Variants in ADAMTSL3 observed in about 807,000 individuals in gnomAD.
ADAMTSL3 encodes ADAMTS-like protein 3.
ADAMTSL3 carries 128 observed loss-of-function variants against 201.7 expected under a neutral mutation model. The ratio of observed to expected loss-of-function variants is 0.63; its 90% CI spans 0.55 to 0.73. The LOEUF is 0.73. Ranked by LOEUF, ADAMTSL3 falls within the 30% of genes least tolerant of loss-of-function variation. The pLI is 0.00. For synonymous variants in ADAMTSL3, 738 were observed against 748.4 expected, an observed-to-expected ratio of 0.99 and a Z score of 0.23; for missense variants, 1,990 against 2,119.6, an observed-to-expected ratio of 0.94 and a Z score of 1.20.
intron 17 of ADAMTSL3, among the ~76,000 whole-genome samples, 155 bp downstream of exon 17, chr15:83,924,188 A>T (rs1001881789): frequency 2.6e-5 from 4 of 152,264 alleles, no homozygotes; most frequent in African/African-American, 4.8e-5. Context: ...TGCTCCAGCC[A>T]GATTCTTGCC....
intron 4 of ADAMTSL3, among the ~76,000 whole-genome samples, chr15:83,802,885 G>A (rs939065701): frequency 9.9e-5 from 15 of 152,106 alleles, no homozygotes; most frequent in African/African-American, 2.9e-4. Context: ...ACATAATCAG[G>A]AAAGGTAATA....
chr15:83,715,652 A>G (rs2062007003), intron 3 of ADAMTSL3, among the ~76,000 whole-genome samples: 1 of 152,198 alleles, frequency 6.6e-6, no homozygotes, highest in Non-Finnish European at 1.5e-5. Context: ...CACAACGAGC[A>G]TATATTTGTT....
At chr15:83,775,821 A>T (rs183210935) in intron 4 of ADAMTSL3, among the ~76,000 whole-genome samples, 1 of 152,266 alleles carries the variant, frequency 6.6e-6, no homozygotes, top group East Asian at 1.9e-4. Flanking sequence ...TTGGCTTGGT[A>T]ATATTGCTCT....
chr15:83,899,158 A>G (rs535552907), intron 14 of ADAMTSL3, among the ~76,000 whole-genome samples: 4 of 152,312 alleles, frequency 2.6e-5, no homozygotes, highest in African/African-American at 9.6e-5. Flanking sequence ...ATTGGTAATC[A>G]TCTCCCTCAA....
At chr15:83,728,429 C>T (rs774380855) in intron 3 of ADAMTSL3, among the ~76,000 whole-genome samples, 20 of 151,144 alleles carry the variant, frequency 1.3e-4, no homozygotes, top group Non-Finnish European at 2.1e-4. Context: ...GTTCCCCCCG[C>T]CCCCTTCCTA....
intron 6 of ADAMTSL3, among the ~76,000 whole-genome samples, chr15:83,823,903 T>C (rs2063940902): frequency 4.0e-5 from 1 of 25,010 alleles, no homozygotes; most frequent in Non-Finnish European, 1.2e-4. Flanking sequence ...CTCTTCTTCT[T>C]CTTCTTCTTC....
At chr15:83,916,822 C>T (rs925743156) in intron 16 of ADAMTSL3, among the ~76,000 whole-genome samples, 6 of 152,178 alleles carry the variant, frequency 3.9e-5, no homozygotes, top group African/African-American at 1.4e-4. Flanking sequence ...GGTACCTGCT[C>T]TGTGTTAGAC....
rs967541421 is a variant in ADAMTSL3 at position 84,009,835 on chromosome 15, A to T, written c.3974-4707A>T. Among the ~76,000 whole-genome samples the T allele has an allele frequency of 3.3e-5, 5 of 152,184 alleles. 1 individual carries two copies. The highest frequency in any genetic ancestry group is 1.2e-4 in the African/African-American group (5 of 41,458). ...TCTGCCGGAAATGCTCTCCCTGGAGATCTCCACACAGCTTGTTTAGCCTGG... is the reference window on the plus strand; with the variant it reads ...TCTGCCGGAAATGCTCTCCCTGGAGTTCTCCACACAGCTTGTTTAGCCTGG... On this transcript the variant is annotated intron_variant, in intron 23 of 29. Transcript: ENST00000286744.
intron 3 of ADAMTSL3, among the ~76,000 whole-genome samples, chr15:83,768,996 C>T (rs2062934873): frequency 6.6e-6 from 1 of 152,130 alleles, no homozygotes; most frequent in Admixed American, 6.5e-5. Context: ...GCCATTCGTG[C>T]TCTACTTTCT....
chr15:83,878,180 A>G (rs1596346007), intron 9 of ADAMTSL3, among the ~76,000 whole-genome samples: 1 of 152,102 alleles, frequency 6.6e-6, no homozygotes. Context: ...TATCAGATGC[A>G]TTTTCTGCAT....
intron 1 of ADAMTSL3, among the ~76,000 whole-genome samples, chr15:83,655,167 C>T (rs1228251749): frequency 6.6e-6 from 1 of 152,198 alleles, no homozygotes; most frequent in African/African-American, 2.4e-5. Context: ...GTCCTCCAAA[C>T]CTCCCTGAAC....
At chr15:83,696,563 A>G (rs192636877) in intron 2 of ADAMTSL3, among the ~76,000 whole-genome samples, 122 of 152,338 alleles carry the variant, frequency 8.0e-4, no homozygotes, top group African/African-American at 2.9e-3. Context: ...CAGTTCTTCC[A>G]TCTAGCATCT....
At chr15:83,730,091 G>C (rs1005544996) in intron 3 of ADAMTSL3, among the ~76,000 whole-genome samples, 1 of 152,058 alleles carries the variant, frequency 6.6e-6, no homozygotes, top group African/African-American at 2.4e-5. Context: ...GTTTGAAAAA[G>C]ACCACTCAGC....
chr15:83,895,735 GA>G (rs1442440204), intron 13 of ADAMTSL3, among the ~76,000 whole-genome samples: 2 of 151,322 alleles, frequency 1.3e-5, no homozygotes, highest in African/African-American at 2.4e-5. Flanking sequence ...CTTTTTGGGT[GA>G]ATTTTTTTCT....
At chr15:83,975,783 A>C (rs940854868) in intron 20 of ADAMTSL3, among the ~76,000 whole-genome samples, 1 of 152,200 alleles carries the variant, frequency 6.6e-6, no homozygotes, top group Non-Finnish European at 1.5e-5. Flanking sequence ...ACTTCAGCAG[A>C]TTCCATAGGA....
rs891666100 is a variant in ADAMTSL3 at position 83,923,934 on chromosome 15, A to G, written c.2018A>G (p.His673Arg). 7.4e-6 allele frequency: 12 copies of G among 1,614,170 alleles called. No individual in the cohort carries two copies. Among genetic ancestry groups the G allele is most frequent in the East Asian group, 2.2e-5 (1 of 44,882 alleles). ...CAAGAAGCCATAGCAGTGTGCTTAC[A>G]TATCCAGACCCAGCAGACAGTCAAT... ...GHQEAIAVCL[H>R]IQTQQTVNDS... is the part of the protein sequence containing the mutation. Residue 673 changes from histidine to arginine, a missense_variant, in exon 17 of 30, where the codon CAT (histidine) becomes CGT (arginine). His to Arg is a conservative substitution (Grantham distance 29). Coordinates refer to ENST00000286744, the MANE Select transcript of ADAMTSL3 (RefSeq NM_207517.3).
chr15:83,693,310 G>T (rs2061637891), intron 2 of ADAMTSL3, among the ~76,000 whole-genome samples: 1 of 152,214 alleles, frequency 6.6e-6, no homozygotes, highest in African/African-American at 2.4e-5. Context: ...CAGGAGAACA[G>T]CCAGGGACAG....
intron 23 of ADAMTSL3, among the ~76,000 whole-genome samples, chr15:83,998,113 C>G (rs2067722357): frequency 6.6e-6 from 1 of 151,906 alleles, no homozygotes; most frequent in Non-Finnish European, 1.5e-5. Flanking sequence ...AATATCAGCC[C>G]ATGAAAAATC....
chr15:83,758,535 G>C (rs1220207390), intron 3 of ADAMTSL3, among the ~76,000 whole-genome samples: 1 of 152,184 alleles, frequency 6.6e-6, no homozygotes, highest in Non-Finnish European at 1.5e-5. Context: ...CTCACTAACA[G>C]TTAACTTTTT....
Sources: allele counts gnomAD v4.1 joint callset (sites outside exome capture counted in the v4.1 genomes callset), GRCh38; gene constraint gnomAD v4.1.1; transcripts MANE v1.5; gene names NCBI Gene and HGNC (gene_info 2026-07-23, HGNC 2026-07-21).